The following KIF2A variants were observed in gnomAD, a reference collection of about 807,000 sequenced individuals.
KIF2A encodes kinesin-like protein KIF2A.
In KIF2A, 22 loss-of-function variants were observed where a neutral mutation model predicts 100.2. That is an observed-to-expected ratio of 0.22 (90% CI 0.16 to 0.31). The LOEUF is 0.31. KIF2A is among the 10% of genes least tolerant of loss of function. The probability of loss-of-function intolerance (pLI) is 1.00; values close to 1 mark genes in which losing one functional copy is unlikely to be tolerated. For missense variants in KIF2A, 495 were observed against 898.7 expected (o/e 0.55, Z 5.74); for synonymous variants, 268 against 285.9 (o/e 0.94, Z 0.63).
At chr5:62,373,994 T>C (rs1218683571) in intron 18 of KIF2A, among the ~76,000 whole-genome samples, 157 bp downstream of exon 18, 1 of 152,182 alleles carries the variant, frequency 6.6e-6, no homozygotes, top group Non-Finnish European at 1.5e-5. Context: ...AGAGGACTGC[T>C]TGAGGCCAGG....
intron 1 of KIF2A, among the ~76,000 whole-genome samples, chr5:62,330,574 A>G (rs916545749): frequency 1.3e-5 from 2 of 152,158 alleles, no homozygotes; most frequent in African/African-American, 4.8e-5. Flanking sequence ...TCTGCCAGAC[A>G]CTTGGTCTGA....
chr5:62,319,658 C>A (rs372033205), intron 1 of KIF2A, among the ~76,000 whole-genome samples: 5 of 152,338 alleles, frequency 3.3e-5, no homozygotes, highest in African/African-American at 1.2e-4. Context: ...TTTGCTGAAT[C>A]AGTGACTAAA....
At chr5:62,319,076 T>C (rs1269243872) in intron 1 of KIF2A, among the ~76,000 whole-genome samples, 1 of 151,870 alleles carries the variant, frequency 6.6e-6, no homozygotes, top group Admixed American at 6.6e-5. Context: ...CCGCTATAAC[T>C]TTTGGTCATG....
intron 3 of KIF2A, among the ~76,000 whole-genome samples, chr5:62,349,430 T>C (rs1269280991): frequency 6.6e-6 from 1 of 152,064 alleles, no homozygotes; most frequent in Non-Finnish European, 1.5e-5. Context: ...TTCCTTTTAA[T>C]AGTACTCATC....
chr5:62,326,042 T>C (rs1328503634), intron 1 of KIF2A, among the ~76,000 whole-genome samples: 1 of 152,128 alleles, frequency 6.6e-6, no homozygotes, highest in African/African-American at 2.4e-5. Flanking sequence ...ACCTGGGTGA[T>C]GGGATCATTT....
intron 1 of KIF2A, among the ~76,000 whole-genome samples, chr5:62,329,079 T>C (rs908552065): frequency 6.6e-6 from 1 of 152,248 alleles, no homozygotes; most frequent in Non-Finnish European, 1.5e-5. Context: ...GTTTTTAAGT[T>C]GTATTTTCGT....
rs1580117953 is a variant in KIF2A, at chr5:62,390,125, T to G, written c.*4556T>G. ...GACTTTTAGAACAATCTACTCTCATTTTTTATTCAGCCTCTAGAACATGGA... is the reference window on the plus strand; with the variant it reads ...GACTTTTAGAACAATCTACTCTCATGTTTTATTCAGCCTCTAGAACATGGA... On this transcript the variant is annotated 3_prime_UTR_variant, in exon 21 of 21. Transcript: ENST00000407818. Among the ~76,000 whole-genome samples, 1 of 152,180 alleles carries G rather than the reference T, an allele frequency of 6.6e-6. No individual in the cohort carries two copies. Among genetic ancestry groups the G allele is most frequent in the Admixed American group, 6.5e-5 (1 of 15,272 alleles).
At chr5:62,382,048 T>C (rs891202417) in intron 20 of KIF2A, among the ~76,000 whole-genome samples, 1 of 152,212 alleles carries the variant, frequency 6.6e-6, no homozygotes, top group Non-Finnish European at 1.5e-5. Flanking sequence ...CACTGTTGGC[T>C]TTGTTTAGGT....
intron 1 of KIF2A, among the ~76,000 whole-genome samples, chr5:62,334,794 C>T (rs933265451): frequency 6.6e-6 from 1 of 152,166 alleles, no homozygotes; most frequent in African/African-American, 2.4e-5. Flanking sequence ...CAGCCACACA[C>T]CCCAAAGTCT....
chr5:62,344,197 T>C (rs760758463), intron 1 of KIF2A, among the ~76,000 whole-genome samples: 4 of 151,890 alleles, frequency 2.6e-5, no homozygotes, highest in Admixed American at 2.6e-4. Context: ...TACAAAAAAT[T>C]AGCTGGGCGT....
At chr5:62,326,387 T>A (rs578250731) in intron 1 of KIF2A, among the ~76,000 whole-genome samples, 1 of 152,214 alleles carries the variant, frequency 6.6e-6, no homozygotes, top group South Asian at 2.1e-4. Context: ...CCACCCACAC[T>A]CTCAGCAAAA....
At chr5:62,353,740 A>C (rs1215847335) in intron 6 of KIF2A, among the ~76,000 whole-genome samples, 1 of 152,114 alleles carries the variant, frequency 6.6e-6, no homozygotes, top group Admixed American at 6.5e-5. Flanking sequence ...TTAAACTATA[A>C]ATTTTATTAT....
rs1580059134 is a variant in KIF2A, at chr5:62,350,101, T to C, written c.315T>C (p.Pro105=). 6.3e-7 allele frequency: 1 copy of C among 1,586,168 alleles called. No homozygotes were observed. Among genetic ancestry groups the C allele is most frequent in the African/African-American group, 1.4e-5 (1 of 73,884 alleles). Residue 105 remains proline (P), a synonymous_variant, in exon 4 of 21, where the codon CCT becomes CCC. Transcript: ENST00000407818. ...RRTVASIKND[P]PSRDNRVVGS... is the part of the protein sequence containing the mutation. Reference sequence around the variant, plus strand: ...CTGTAGCTTCTATTAAGAATGACCCTCCTTCAAGAGATAATAGAGGTAAAG... The same window carrying C: ...CTGTAGCTTCTATTAAGAATGACCCCCCTTCAAGAGATAATAGAGGTAAAG...
At chr5:62,315,345 T>C (rs1745764785) in intron 1 of KIF2A, among the ~76,000 whole-genome samples, 1 of 152,112 alleles carries the variant, frequency 6.6e-6, no homozygotes, top group African/African-American at 2.4e-5. Context: ...GTATCAGTAT[T>C]TTACTTTAAG....
At chr5:62,370,317 G>A (rs1741263423) in intron 16 of KIF2A, among the ~76,000 whole-genome samples, 1 of 151,990 alleles carries the variant, frequency 6.6e-6, no homozygotes, top group African/African-American at 2.4e-5. Flanking sequence ...TATTTAAGAT[G>A]GAGTCTTGCT....
intron 1 of KIF2A, among the ~76,000 whole-genome samples, chr5:62,325,489 A>G (rs576837505): frequency 1.5e-4 from 23 of 152,328 alleles, no homozygotes; most frequent in Middle Eastern, 3.4e-3. Context: ...AAGGACATGA[A>G]CAGATACTTC....
intron 4 of KIF2A, 133 bp downstream of exon 4, chr5:62,350,253 C>G (rs752031573): frequency 1.2e-5 from 7 of 587,252 alleles, no homozygotes; most frequent in African/African-American, 2.0e-5. Context: ...TTAAGAGGTG[C>G]TTTTTTGTTT....
At position 62,352,899 on chromosome 5, in the gene KIF2A, G is replaced by A. The variant is rs1230714089; in HGVS notation, c.457+189G>A. The A allele has an allele frequency of 2.5e-5, 12 of 476,592 alleles. No individual in the cohort carries two copies. In the South Asian group the frequency reaches 5.6e-4, roughly 22 times the overall value. 29.5% of individuals were successfully genotyped at this position (476,592 alleles called of 1,614,324 possible). ...ATTGGGTTTTTTAAAGTATATTTTG[G>A]AGCAAAAATTTTTTTGTGAAATTAT... On this transcript the variant is annotated intron_variant, in intron 5 of 20. Transcript: ENST00000407818.
intron 1 of KIF2A, among the ~76,000 whole-genome samples, chr5:62,310,264 G>A (rs753585153): frequency 6.6e-6 from 1 of 151,872 alleles, no homozygotes; most frequent in Non-Finnish European, 1.5e-5. Flanking sequence ...ACGTTGGCCA[G>A]GCTGGTCTCG....
Sources: allele counts gnomAD v4.1 joint callset (sites outside exome capture counted in the v4.1 genomes callset), GRCh38; gene constraint gnomAD v4.1.1; transcripts MANE v1.5; gene names NCBI Gene and HGNC (gene_info 2026-07-23, HGNC 2026-07-21).